Variants in THSD4 observed in about 807,000 individuals in gnomAD.
THSD4 encodes thrombospondin type-1 domain-containing protein 4.
In THSD4, 69 loss-of-function variants were observed where a neutral mutation model predicts 119.0. The ratio of observed to expected loss-of-function variants is 0.58; its 90% CI spans 0.48 to 0.71. The LOEUF is 0.71. THSD4 is among the 30% of genes least tolerant of loss of function. The pLI is 0.00. For synonymous variants in THSD4, 524 were observed against 540.4 expected (o/e 0.97, Z 0.42); for missense variants, 1,393 against 1,391.1 (o/e 1.00, Z -0.02).
chr15:71,151,345 G>C (rs1026167057), intron 2 of THSD4, among the ~76,000 whole-genome samples: 3 of 151,676 alleles, frequency 2.0e-5, no homozygotes, highest in Admixed American at 6.6e-5. Context: ...AGAGCTTTGA[G>C]GCACTGAGGT....
chr15:71,588,569 A>G (rs1317733872), intron 7 of THSD4, among the ~76,000 whole-genome samples: 2 of 152,016 alleles, frequency 1.3e-5, no homozygotes, highest in African/African-American at 2.4e-5. Flanking sequence ...AACTACAGGC[A>G]TGTGCCACCA....
intron 6 of THSD4, among the ~76,000 whole-genome samples, chr15:71,297,868 T>C (rs1482816327): frequency 7.9e-5 from 12 of 152,210 alleles, no homozygotes; most frequent in Non-Finnish European, 8.8e-5. Context: ...TTATCAGATA[T>C]ATAATTTGCA....
intron 8 of THSD4, among the ~76,000 whole-genome samples, chr15:71,681,477 G>C (rs1178075074): frequency 6.6e-6 from 1 of 151,752 alleles, no homozygotes; most frequent in Non-Finnish European, 1.5e-5. Context: ...AGGCGTTCCA[G>C]ACCAGCCTGG....
rs117828098 is a variant in THSD4 at position 71,491,475 on chromosome 15, C to T, written c.1152+79652C>T. 3.9e-5 allele frequency among the ~76,000 whole-genome samples: 6 copies of T among 152,288 alleles called. 1 individual carries two copies. In the East Asian group the frequency reaches 1.2e-3, roughly 29 times the overall value. On this transcript the variant is annotated intron_variant, in intron 7 of 17. Coordinates refer to ENST00000261862, the MANE Select transcript of THSD4 (RefSeq NM_024817.3). ...CGCTCAGCCCCCTCACCACATGATA[C>T]CTTGCACTGCCTTGGAACTTGGCAG...
At chr15:71,130,481 C>T (rs566273254) in intron 1 of THSD4, among the ~76,000 whole-genome samples, 4 of 152,078 alleles carry the variant, frequency 2.6e-5, no homozygotes, top group African/African-American at 4.8e-5. Flanking sequence ...CCACTGCGCC[C>T]GGCCCTGAGA....
intron 7 of THSD4, among the ~76,000 whole-genome samples, chr15:71,475,930 A>T (rs556143350): frequency 4.0e-5 from 6 of 150,524 alleles, no homozygotes; most frequent in Middle Eastern, 3.4e-3. Flanking sequence ...CCTGTCTATT[A>T]AAAAAAAAAT....
chr15:71,199,452 TGGGGGGGG>T (rs770518842), intron 3 of THSD4, among the ~76,000 whole-genome samples: 2 of 109,108 alleles, frequency 1.8e-5, no homozygotes, highest in Non-Finnish European at 4.1e-5. Flanking sequence ...TGTGTGTGTG[TGGGGGGGG>T]GTGTGTGTGT....
chr15:71,489,335 C>A lies in THSD4; in HGVS notation c.1152+77512C>A, dbSNP rs541194882. Among the ~76,000 whole-genome samples, 264 of 151,724 alleles carry A rather than the reference C, an allele frequency of 1.7e-3. 2 individuals carry two copies. The highest frequency in any genetic ancestry group is 6.0e-3 in the African/African-American group (246 of 41,172). On this transcript the variant is annotated intron_variant, in intron 7 of 17. Transcript: ENST00000261862. ...TTTCTTTGCTCATTTTAAGTAAGTG[C>A]TCTCATTGTAGCTAATTTTGTATTT...
intron 7 of THSD4, among the ~76,000 whole-genome samples, chr15:71,461,765 A>G (rs956096099): frequency 4.0e-5 from 6 of 151,768 alleles, no homozygotes; most frequent in African/African-American, 4.8e-5. Flanking sequence ...TTCTTCCACT[A>G]TGATGAAGAC....
At chr15:71,541,316 A>C (rs1252553242) in intron 7 of THSD4, among the ~76,000 whole-genome samples, 1 of 152,218 alleles carries the variant, frequency 6.6e-6, no homozygotes, top group Non-Finnish European at 1.5e-5. Flanking sequence ...CACTTACAGG[A>C]TATTACAATT....
In THSD4 at chr15:71,215,124, G is replaced by T; in HGVS notation, c.189G>T (p.Ser63=). 7.3e-7 allele frequency: 1 copy of T among 1,362,522 alleles called. No homozygotes were observed. The highest frequency in any genetic ancestry group is 9.5e-7 in the Non-Finnish European group (1 of 1,053,078). The allele number at this position is 1,362,522 out of a possible 1,614,324, so 84.4% of individuals were successfully genotyped here. A position where few individuals can be genotyped will look rare whatever the true frequency, so the allele number is the denominator to read the frequency against. Residue 63 remains serine, a synonymous_variant, in exon 4 of 18, where the codon TCG becomes TCT. Coordinates refer to ENST00000261862, the MANE Select transcript of THSD4 (RefSeq NM_024817.3). ...PGVWGAWGPW[S]ACSRSCSGGV... Reference sequence around the variant, plus strand: ...TGTGGGGCGCCTGGGGCCCCTGGTCGGCCTGCTCGCGTAGCTGCAGCGGCG... The same window carrying T: ...TGTGGGGCGCCTGGGGCCCCTGGTCTGCCTGCTCGCGTAGCTGCAGCGGCG...
At chr15:71,491,624 C>G (rs375756458) in intron 7 of THSD4, among the ~76,000 whole-genome samples, 2 of 152,260 alleles carry the variant, frequency 1.3e-5, no homozygotes, top group East Asian at 1.9e-4. Context: ...GTAATCCCAA[C>G]ACTTTAGGGG....
intron 6 of THSD4, among the ~76,000 whole-genome samples, chr15:71,334,052 G>C (rs1369927419): frequency 6.6e-6 from 1 of 152,114 alleles, no homozygotes; most frequent in East Asian, 1.9e-4. Flanking sequence ...GAGTTGAGTT[G>C]ATGAAAGTAT....
intron 8 of THSD4, among the ~76,000 whole-genome samples, chr15:71,680,116 T>C (rs948814000): frequency 4.6e-5 from 7 of 152,028 alleles, no homozygotes; most frequent in African/African-American, 1.5e-4. Context: ...ATTTTGGGAG[T>C]TGGAAATTTA....
intron 7 of THSD4, among the ~76,000 whole-genome samples, chr15:71,579,330 C>G (rs1187906702): frequency 6.6e-6 from 1 of 152,228 alleles, no homozygotes; most frequent in South Asian, 2.1e-4. Flanking sequence ...TGAGCATTAC[C>G]GAGAGCCAGA....
At chr15:71,477,525 C>T (rs996440986) in intron 7 of THSD4, among the ~76,000 whole-genome samples, 1 of 152,134 alleles carries the variant, frequency 6.6e-6, no homozygotes, top group Non-Finnish European at 1.5e-5. Flanking sequence ...AGTATGGAGG[C>T]CACATTGGGA....
intron 14 of THSD4, among the ~76,000 whole-genome samples, chr15:71,756,559 G>A (rs56039380): frequency 0.06 from 9,118 of 152,252 alleles, 382 homozygotes; most frequent in Middle Eastern, 0.11. Flanking sequence ...GAGGCAGGCG[G>A]ATCTCTTGCG....
intron 15 of THSD4, among the ~76,000 whole-genome samples, chr15:71,763,554 A>ATTT (rs10647138): frequency 6.9e-6 from 1 of 144,970 alleles, no homozygotes; most frequent in African/African-American, 2.6e-5. Context: ...CTAAAAACAA[A>ATTT]TTTTTTTTTT....
chr15:71,600,214 A>C (rs1402851703), intron 7 of THSD4, among the ~76,000 whole-genome samples: 1 of 143,684 alleles, frequency 7.0e-6, no homozygotes, highest in Non-Finnish European at 1.6e-5. Flanking sequence ...TGTATTTCAA[A>C]GTCTTGCTCT....
Sources: allele counts gnomAD v4.1 joint callset (sites outside exome capture counted in the v4.1 genomes callset), GRCh38; gene constraint gnomAD v4.1.1; transcripts MANE v1.5; gene names NCBI Gene and HGNC (gene_info 2026-07-23, HGNC 2026-07-21).